Variants in GRIP1 observed in about 807,000 individuals in gnomAD.
GRIP1 encodes the protein glutamate receptor-interacting protein 1.
In GRIP1, 45 loss-of-function variants were observed where a neutral mutation model predicts 129.9. The observed-to-expected ratio is 0.35, with a 90% CI of 0.27 to 0.44. The LOEUF is 0.44. GRIP1 is among the 20% of genes least tolerant of loss of function. The probability of loss-of-function intolerance (pLI) is 1.00; values close to 1 mark genes in which losing one functional copy is unlikely to be tolerated. For missense variants in GRIP1, 1,196 were observed against 1,396.8 expected (o/e 0.86, Z 2.29); for synonymous variants, 530 against 520.8 (o/e 1.02, Z -0.24).
intron 1 of GRIP1, among the ~76,000 whole-genome samples, chr12:67,054,449 C>A (rs567870455): frequency 1.3e-5 from 2 of 151,734 alleles, no homozygotes; most frequent in East Asian, 3.9e-4. Context: ...TTGTCATGTG[C>A]GAAAAAATAA....
chr12:66,935,597 TA>T (rs1232819848), intron 1 of GRIP1, among the ~76,000 whole-genome samples: 1 of 152,186 alleles, frequency 6.6e-6, no homozygotes, highest in Non-Finnish European at 1.5e-5. Flanking sequence ...TCAGCCAAAT[TA>T]AATTTAAAGG....
chr12:66,884,148 A>C (rs1359489911), intron 1 of GRIP1, among the ~76,000 whole-genome samples: 1 of 152,244 alleles, frequency 6.6e-6, no homozygotes, highest in Non-Finnish European at 1.5e-5. Context: ...TTAAGAGCAC[A>C]GAAATGGGGA....
At chr12:66,401,609 T>TATATATATATATATATATACAC (rs1169241331) in intron 16 of GRIP1, among the ~76,000 whole-genome samples, 3 of 110,184 alleles carry the variant, frequency 2.7e-5, no homozygotes, top group East Asian at 3.0e-4. Context: ...TATATATATA[T>TATATATATATATATATATACAC]ACACACACAC....
At chr12:66,622,783 T>C (rs1183749212) in intron 1 of GRIP1, among the ~76,000 whole-genome samples, 1 of 152,182 alleles carries the variant, frequency 6.6e-6, no homozygotes, top group East Asian at 1.9e-4. Flanking sequence ...TATACCTGCC[T>C]TACTCATACT....
chr12:66,870,375 G>T (rs1464812612), intron 1 of GRIP1, among the ~76,000 whole-genome samples: 1 of 152,120 alleles, frequency 6.6e-6, no homozygotes, highest in East Asian at 1.9e-4. Flanking sequence ...AAAAAAATAG[G>T]TTTAAGAAAT....
chr12:66,522,151 T>C (rs1258553872), intron 5 of GRIP1, among the ~76,000 whole-genome samples: 3 of 152,058 alleles, frequency 2.0e-5, no homozygotes, highest in Admixed American at 6.5e-5. Flanking sequence ...TTGAAGAGAG[T>C]AGTGGTTCTC....
chr12:66,822,979 T>C (rs560957169), intron 1 of GRIP1, among the ~76,000 whole-genome samples: 4 of 152,110 alleles, frequency 2.6e-5, no homozygotes, highest in Non-Finnish European at 4.4e-5. Context: ...GAATCTAAAA[T>C]AAAAGTTAAA....
At chr12:66,812,670 A>G (rs141812465) in intron 1 of GRIP1, among the ~76,000 whole-genome samples, 1 of 152,340 alleles carries the variant, frequency 6.6e-6, no homozygotes, top group African/African-American at 2.4e-5. Context: ...TAGAATGTCT[A>G]CAGCTCTAAG....
rs2064393635 is a variant in GRIP1 at position 66,603,960 on chromosome 12, C to T, written c.56-7033G>A. Among the ~76,000 whole-genome samples the T allele has an allele frequency of 2.0e-5, 3 of 152,278 alleles. No individual in the cohort carries two copies. In the South Asian group the frequency reaches 6.2e-4, roughly 32 times the overall value. On this transcript the variant is annotated intron_variant, in intron 1 of 24. Coordinates refer to ENST00000359742, the MANE Select transcript of GRIP1 (RefSeq NM_001366722.1). ...AGGAAATGGTATTGAATTACTACCC[C>T]TTAGCTAGTAAAGGTCAAATGAAAA...
chr12:66,353,681 C>T, intron 23 of GRIP1, 118 bp from the exon 24 acceptor site: 2 of 883,792 alleles, frequency 2.3e-6, no homozygotes, highest in Non-Finnish European at 3.8e-6. Context: ...GTAATATCAG[C>T]ATCAGTCAGC....
intron 1 of GRIP1, among the ~76,000 whole-genome samples, chr12:66,946,521 G>A (rs2041669962): frequency 6.6e-6 from 1 of 151,890 alleles, no homozygotes; most frequent in African/African-American, 2.4e-5. Context: ...GTGGTACCAG[G>A]AGTGTATTAT....
At chr12:66,671,553 TAA>T (rs1004366509) in intron 1 of GRIP1, among the ~76,000 whole-genome samples, 34 of 152,266 alleles carry the variant, frequency 2.2e-4, no homozygotes, top group African/African-American at 7.2e-4. Context: ...TCAGACTTCT[TAA>T]AAGAGTGGTC....
chr12:66,848,426 G>T (rs2039856163), intron 1 of GRIP1, among the ~76,000 whole-genome samples: 1 of 152,132 alleles, frequency 6.6e-6, no homozygotes, highest in South Asian at 2.1e-4. Flanking sequence ...AGTCCTATCT[G>T]TGGGGAGCTG....
chr12:66,997,497 CCAA>C (rs1217171377), intron 1 of GRIP1, among the ~76,000 whole-genome samples: 4 of 151,968 alleles, frequency 2.6e-5, no homozygotes, highest in South Asian at 4.2e-4. Flanking sequence ...TAAGTTCTCA[CCAA>C]CGACAATATA....
chr12:66,938,778 G>A (rs2041532504), intron 1 of GRIP1, among the ~76,000 whole-genome samples: 1 of 152,060 alleles, frequency 6.6e-6, no homozygotes. Flanking sequence ...CCAACATGGT[G>A]AAACCCCATC....
intron 1 of GRIP1, among the ~76,000 whole-genome samples, chr12:66,950,068 G>A (rs2041732748): frequency 1.3e-5 from 2 of 152,130 alleles, no homozygotes; most frequent in East Asian, 1.9e-4. Context: ...GAGCCACCAC[G>A]CCCGGCCACT....
intron 1 of GRIP1, among the ~76,000 whole-genome samples, chr12:66,664,340 G>A (rs941109585): frequency 6.6e-6 from 1 of 152,150 alleles, no homozygotes; most frequent in African/African-American, 2.4e-5. Flanking sequence ...CAGAGAAAGA[G>A]TTTTAAAAAT....
chr12:66,581,117 A>G (rs1356763192), intron 2 of GRIP1, among the ~76,000 whole-genome samples: 1 of 152,216 alleles, frequency 6.6e-6, no homozygotes, highest in East Asian at 1.9e-4. Flanking sequence ...AAACCACTCA[A>G]CTACATGGAA....
chr12:66,543,572 A>G (rs1368103561), intron 2 of GRIP1, among the ~76,000 whole-genome samples: 1 of 152,164 alleles, frequency 6.6e-6, no homozygotes. Flanking sequence ...CAGAAATCTC[A>G]TGAAAACATA....
Sources: gnomAD v4.1 joint callset for allele counts (sites outside exome capture counted in the v4.1 genomes callset) on GRCh38, gnomAD v4.1.1 for gene constraint, MANE v1.5 for transcripts, NCBI Gene and HGNC (gene_info 2026-07-23, HGNC 2026-07-21) for gene names.